OMA1: variants seen among roughly 807,000 people sequenced by gnomAD.
OMA1 encodes OMA1 zinc metallopeptidase.
In OMA1, 38 loss-of-function variants were observed where a neutral mutation model predicts 30.9. The observed-to-expected ratio is 1.23, with a 90% CI of 0.95 to 1.61. The LOEUF (loss-of-function observed/expected upper bound fraction) is 1.61, where lower values mean the gene tolerates loss of function less well. Ranked by LOEUF, OMA1 falls within the 40% of genes most tolerant of loss-of-function variation. The pLI is 0.00. For synonymous variants in OMA1, 173 were observed against 121.9 expected, an observed-to-expected ratio of 1.42 and a Z score of -2.76; for missense variants, 461 against 349.2, an observed-to-expected ratio of 1.32 and a Z score of -2.55.
At chr1:58,497,735 T>C (rs1466310314) in intron 8 of OMA1, among the ~76,000 whole-genome samples, 1 of 152,150 alleles carries the variant, frequency 6.6e-6, no homozygotes, top group Non-Finnish European at 1.5e-5. Context: ...CTGGAAACTC[T>C]TATCAACAAA....
chr1:58,510,276 C>G (rs911421939), intron 7 of OMA1, among the ~76,000 whole-genome samples: 1 of 152,050 alleles, frequency 6.6e-6, no homozygotes, highest in African/African-American at 2.4e-5. Flanking sequence ...AAAAGGATCA[C>G]ACCTCATGAC....
At chr1:58,535,830 G>C (rs950981979) in intron 3 of OMA1, among the ~76,000 whole-genome samples, 1 of 151,976 alleles carries the variant, frequency 6.6e-6, no homozygotes, top group African/African-American at 2.4e-5. Flanking sequence ...CTTAAATTTG[G>C]ATTCAAAAAA....
At chr1:58,541,236 G>C (rs1362384600) in intron 1 of OMA1, among the ~76,000 whole-genome samples, 10 of 132,848 alleles carry the variant, frequency 7.5e-5, no homozygotes, top group Non-Finnish European at 1.4e-4. Context: ...GGAGGTTGCA[G>C]TGAGCCGAGA....
intron 7 of OMA1, among the ~76,000 whole-genome samples, chr1:58,522,396 T>C (rs1238191697): frequency 6.6e-6 from 1 of 152,116 alleles, no homozygotes; most frequent in Non-Finnish European, 1.5e-5. Context: ...TCTTAGGATA[T>C]TAGAAATGGA....
chr1:58,506,340 GGTTT>G (rs1645990380), intron 7 of OMA1, 131 bp from the exon 8 acceptor site: 2 of 568,800 alleles, frequency 3.5e-6, no homozygotes, highest in Admixed American at 5.9e-5. Flanking sequence ...ACAACGTGCA[GGTTT>G]GTTACATACG....
intron 7 of OMA1, among the ~76,000 whole-genome samples, chr1:58,524,020 T>C (rs143299053): frequency 1.4e-3 from 208 of 152,332 alleles, no homozygotes; most frequent in African/African-American, 4.5e-3. Context: ...CTTTTTGCTT[T>C]ACAACCAAAA....
intron 6 of OMA1, among the ~76,000 whole-genome samples, chr1:58,530,330 C>T (rs955537197): frequency 3.3e-5 from 5 of 152,074 alleles, no homozygotes; most frequent in African/African-American, 1.2e-4. Context: ...TCTGTAAAAC[C>T]AATAAATATA....
intron 7 of OMA1, among the ~76,000 whole-genome samples, chr1:58,515,748 A>G (rs574992430): frequency 9.8e-5 from 15 of 152,348 alleles, no homozygotes; most frequent in African/African-American, 3.6e-4. Context: ...ACTAACCTGA[A>G]AAATAAGAAC....
intron 8 of OMA1, among the ~76,000 whole-genome samples, chr1:58,489,195 A>G (rs2100368654): frequency 6.6e-6 from 1 of 152,294 alleles, no homozygotes; most frequent in Non-Finnish European, 1.5e-5. Context: ...TTTCCTAGCC[A>G]AGGAAAGGGG....
chr1:58,490,171 G>A (rs1645654046), intron 8 of OMA1, among the ~76,000 whole-genome samples: 1 of 152,150 alleles, frequency 6.6e-6, no homozygotes, highest in Non-Finnish European at 1.5e-5. Context: ...TCGAACCCAT[G>A]GCAAAGAAGT....
In OMA1 at chr1:58,522,722, T is replaced by C. The variant is rs186220956; in HGVS notation, c.1215+4539A>G. 1.6e-4 allele frequency among the ~76,000 whole-genome samples: 25 copies of C among 152,300 alleles called. No individual in the cohort carries two copies. In the South Asian group the frequency reaches 4.1e-3, roughly 25 times the overall value. Reference sequence around the variant, plus strand: ...TTGCCAGTAACACAGTAAATTAACATGTTTTGTATGTTATATGTATTATAT... The same window carrying C: ...TTGCCAGTAACACAGTAAATTAACACGTTTTGTATGTTATATGTATTATAT... On this transcript the variant is annotated intron_variant, in intron 7 of 8. Transcript: ENST00000371226.
chr1:58,508,202 A>AT, intron 7 of OMA1, among the ~76,000 whole-genome samples: 1 of 152,324 alleles, frequency 6.6e-6, no homozygotes, highest in East Asian at 1.9e-4. Flanking sequence ...TAATGTTAAG[A>AT]TAAGAGTGTT....
intron 7 of OMA1, among the ~76,000 whole-genome samples, chr1:58,509,878 A>C (rs1383674817): frequency 6.6e-6 from 1 of 152,108 alleles, no homozygotes; most frequent in Admixed American, 6.5e-5. Flanking sequence ...ATATGCCCAC[A>C]AACTGGATAA....
At chr1:58,538,185 T>C (rs893628109) in intron 2 of OMA1, among the ~76,000 whole-genome samples, 16 of 152,148 alleles carry the variant, frequency 1.1e-4, no homozygotes, top group African/African-American at 3.6e-4. Flanking sequence ...CTTTCTTCCA[T>C]CTTCATAAAA....
In OMA1 at chr1:58,532,963, TAGA is replaced by T. The variant is rs1391693069; in HGVS notation, c.1011+987_1011+989del. Among the ~76,000 whole-genome samples, 4 of 152,338 alleles carry T rather than the reference TAGA, an allele frequency of 2.6e-5. No individual in the cohort carries two copies. In the East Asian group the frequency reaches 7.7e-4, roughly 29 times the overall value. ...AACAGGTAGAATTTGAGATTACTCT[TAGA>T]AGGATTAGAATCATTATCATTTCCA... On this transcript the variant is annotated intron_variant, in intron 5 of 8. Transcript: ENST00000371226.
chr1:58,503,081 G>A (rs1645931560), intron 8 of OMA1, among the ~76,000 whole-genome samples: 1 of 152,140 alleles, frequency 6.6e-6, no homozygotes, highest in Non-Finnish European at 1.5e-5. Context: ...GTAATTTGAT[G>A]ATGAAATGAC....
rs559014207 is a variant in OMA1 at position 58,481,056 on chromosome 1, A to G, written c.1484T>C (p.Ile495Thr). The G allele has an allele frequency of 3.4e-6, 3 of 871,892 alleles. No individual in the cohort carries two copies. Among genetic ancestry groups the G allele is most frequent in the African/African-American group, 3.3e-5 (2 of 61,352 alleles). 54.0% of individuals were successfully genotyped at this position (871,892 alleles called of 1,614,324 possible). A position where few individuals can be genotyped will look rare whatever the true frequency, so the allele number is the denominator to read the frequency against. The change falls in exon 9 of 9, where the codon ATC becomes ACC. Residue 495 changes from isoleucine to threonine, a missense_variant. Physicochemically the swap from Ile to Thr is moderately conservative, Grantham distance 89 (BLOSUM62 -1). Coordinates refer to ENST00000371226, the MANE Select transcript of OMA1 (RefSeq NM_145243.5). Reference protein sequence around the residue: ...LEESEKEDLNITKKQKMDTLP... With the variant: ...LEESEKEDLNTTKKQKMDTLP... ...AGTATCCATTTTCTGTTTCTTCGTG[A>G]TATTTAGGTCTTCTTTCTCTGATTC...
intron 6 of OMA1, among the ~76,000 whole-genome samples, chr1:58,529,092 A>G (rs1646394423): frequency 6.6e-6 from 1 of 152,234 alleles, no homozygotes; most frequent in Non-Finnish European, 1.5e-5. Context: ...TCAAAATATG[A>G]GATCCTACAA....
At chr1:58,491,581 A>C (rs976734829) in intron 8 of OMA1, among the ~76,000 whole-genome samples, 8 of 152,166 alleles carry the variant, frequency 5.3e-5, no homozygotes, top group African/African-American at 1.9e-4. Flanking sequence ...TCTACCAAGC[A>C]AATGGAAAAC....
Sources: allele counts gnomAD v4.1 joint callset (sites outside exome capture counted in the v4.1 genomes callset), GRCh38; gene constraint gnomAD v4.1.1; transcripts MANE v1.5; gene names NCBI Gene and HGNC (gene_info 2026-07-23, HGNC 2026-07-21).